Variants in EXD3 observed in about 807,000 individuals in gnomAD.
EXD3 encodes the protein exonuclease 3'-5' domain containing 3.
A neutral mutation model predicts 98.0 loss-of-function variants in EXD3; 92 were observed. The observed-to-expected ratio is 0.94, with a 90% CI of 0.79 to 1.12. EXD3 has a LOEUF of 1.12. Among genes scored for constraint, EXD3 ranks in the 50% most tolerant of loss-of-function variants. The pLI, the probability that EXD3 is intolerant of heterozygous loss-of-function variation, is 0.00. For missense variants in EXD3, 1,222 were observed against 1,191.6 expected (o/e 1.03, Z -0.38); for synonymous variants, 569 against 526.0 (o/e 1.08, Z -1.12).
intron 12 of EXD3, 39 bp from the exon 13 acceptor site, chr9:137,351,567 A>G: frequency 1.3e-6 from 2 of 1,546,268 alleles, no homozygotes; most frequent in Non-Finnish European, 1.8e-6. Flanking sequence ...ATCAGGGCCA[A>G]CTTGGCTCTG....
chr9:137,356,189 CCA>C, intron 8 of EXD3, 77 bp downstream of exon 8: 1 of 1,078,526 alleles, frequency 9.3e-7, no homozygotes, highest in Non-Finnish European at 1.4e-6. Context: ...ACGGGCAGCC[CCA>C]GTCACAGAGG....
chr9:137,405,157 A>T lies in EXD3; in HGVS notation c.-47-9753T>A, dbSNP rs1588431260. 6.6e-6 allele frequency among the ~76,000 whole-genome samples: 1 copy of T among 151,908 alleles called. No individual in the cohort carries two copies. Among genetic ancestry groups the T allele is most frequent in the South Asian group, 2.1e-4 (1 of 4,816 alleles). ...GGCCTCTGCCAGCGGGTGTCCAAAG[A>T]CCCTACTTGGGAGCCCCGCACATCC... On this transcript the variant is annotated intron_variant, in intron 1 of 21. Coordinates refer to ENST00000340951, the MANE Select transcript of EXD3 (RefSeq NM_017820.5). This position sits in a 1 kb window ranked among gnomAD's most constrained non-coding sequence, Gnocchi z 4.1.
In EXD3 at chr9:137,349,465, G is replaced by A. The variant is rs1834136880; in HGVS notation, c.1561C>T (p.Leu521=). Residue 521 remains leucine, a synonymous_variant, in exon 15 of 22, where the codon CTG becomes TTG. Transcript: ENST00000340951. This position sits in a 1 kb window ranked among gnomAD's most constrained non-coding sequence, Gnocchi z 7.4. ...GCTGTGCCCAGCACCTGCTGCACCAGGAGGCTCAGGCCCCTCAGCTCCCTG... is the reference window on the plus strand; with the variant it reads ...GCTGTGCCCAGCACCTGCTGCACCAAGAGGCTCAGGCCCCTCAGCTCCCTG... ...RARELRGLSL[L]VQQVLGTALD... 1 of 1,603,794 alleles carries A rather than the reference G, an allele frequency of 6.2e-7. No individual in the cohort carries two copies. Among genetic ancestry groups the A allele is most frequent in the Non-Finnish European group, 8.5e-7 (1 of 1,178,134 alleles).
At chr9:137,354,160 C>G (rs865792994) in intron 10 of EXD3, 179 bp downstream of exon 10, 3 of 1,427,500 alleles carry the variant, frequency 2.1e-6, no homozygotes, top group South Asian at 1.5e-5. Context: ...GCTCAGGCCT[C>G]CCGGGCCTGA....
chr9:137,320,690 G>C (rs1831984683), intron 19 of EXD3, among the ~76,000 whole-genome samples: 1 of 152,162 alleles, frequency 6.6e-6, no homozygotes, highest in Admixed American at 6.5e-5. Context: ...TCACACCCTG[G>C]ACACCCTTCT....
At chr9:137,356,923 T>C (rs1383613903) in intron 7 of EXD3, among the ~76,000 whole-genome samples, 1 of 152,186 alleles carries the variant, frequency 6.6e-6, no homozygotes, top group Non-Finnish European at 1.5e-5. Context: ...CTCCAGGTAG[T>C]GGTGAAGCAC....
intron 10 of EXD3, chr9:137,353,666 C>T (rs1461807997): frequency 3.0e-6 from 3 of 985,688 alleles, no homozygotes; most frequent in Non-Finnish European, 3.6e-6. Context: ...CCCTCAGCCC[C>T]CGCTGGGAAA....
chr9:137,323,646 T>G, intron 19 of EXD3, 79 bp downstream of exon 19: 2 of 1,555,690 alleles, frequency 1.3e-6, no homozygotes, highest in Non-Finnish European at 1.7e-6. Flanking sequence ...CTGTCTAGGG[T>G]GGGGCCCACC....
chr9:137,356,389 A>G, intron 7 of EXD3, 21 bp from the exon 8 acceptor site: 1 of 1,412,916 alleles, frequency 7.1e-7, no homozygotes, highest in East Asian at 2.4e-5. Context: ...AGAGAGGCAC[A>G]GCCTCTGTTG....
intron 7 of EXD3, among the ~76,000 whole-genome samples, chr9:137,358,361 C>T (rs918745546): frequency 3.5e-4 from 54 of 152,302 alleles, no homozygotes; most frequent in African/African-American, 1.3e-3. Context: ...GAGCCCCAGC[C>T]CTGTCCTCAG....
chr9:137,371,270 G>A lies in EXD3; in HGVS notation c.462+1635C>T, dbSNP rs1835583214. 6.6e-6 allele frequency among the ~76,000 whole-genome samples: 1 copy of A among 152,206 alleles called. No individual in the cohort carries two copies. The highest frequency in any genetic ancestry group is 2.4e-5 in the African/African-American group (1 of 41,456). On this transcript the variant is annotated intron_variant, in intron 5 of 21. Transcript: ENST00000340951. The surrounding 1 kb of genome is among the most constrained non-coding windows in gnomAD (Gnocchi z 8.0). The stretch of plus-strand genomic sequence containing the variant: ...CATTCAGCGTCGCGCCACATGAGGG[G>A]GACCCTCCATCCTGCATTGTCCTGT...
chr9:137,386,994 ACCCCCG>A (rs1836630288), intron 2 of EXD3, among the ~76,000 whole-genome samples: 1 of 71,516 alleles, frequency 1.4e-5, no homozygotes, highest in Non-Finnish European at 2.8e-5. Context: ...CTCCCTCAGC[ACCCCCG>A]CTCCCTGCCT....
In EXD3 at chr9:137,355,591, AG is replaced by A. The variant is rs1206688459; in HGVS notation, c.757+676del. On this transcript the variant is annotated intron_variant, in intron 8 of 21. Coordinates refer to ENST00000340951, the MANE Select transcript of EXD3 (RefSeq NM_017820.5). ...AGGATGGAGGAAGGAGGAAGGAGAA[AG>A]GGCGGAAGGAGAAAGGAGGAAGGAG... Among the ~76,000 whole-genome samples the A allele has an allele frequency of 9.4e-3, 46 of 4,910 alleles. 8 individuals carry two copies. The highest frequency in any genetic ancestry group is 0.029 in the South Asian group (4 of 136). 3.2% of individuals were successfully genotyped at this position (4,910 alleles called of 152,430 possible). A position where few individuals can be genotyped will look rare whatever the true frequency, so the allele number is the denominator to read the frequency against.
intron 5 of EXD3, among the ~76,000 whole-genome samples, chr9:137,369,185 G>C (rs559169379): frequency 8.0e-5 from 12 of 150,332 alleles, no homozygotes; most frequent in African/African-American, 2.9e-4. Flanking sequence ...CGCAGGGCCG[G>C]GGAGGGGCAC....
At chr9:137,328,634 A>ATG in intron 17 of EXD3, among the ~76,000 whole-genome samples, 1 of 84,332 alleles carries the variant, frequency 1.2e-5, no homozygotes, top group East Asian at 6.7e-4. Context: ...ACACGGGACT[A>ATG]CACGGGGCTA....
At chr9:137,401,867 T>C (rs1376639541) in intron 1 of EXD3, among the ~76,000 whole-genome samples, 1 of 152,208 alleles carries the variant, frequency 6.6e-6, no homozygotes, top group African/African-American at 2.4e-5. Flanking sequence ...TTCCCCATGG[T>C]CTTGGGGATG....
chr9:137,363,053 C>T (rs374596927), intron 7 of EXD3, among the ~76,000 whole-genome samples: 59 of 152,120 alleles, frequency 3.9e-4, no homozygotes, highest in Middle Eastern at 3.4e-3. Context: ...TCAGGTGATC[C>T]GCCTGCCTCA....
At chr9:137,406,745 G>T (rs772838416) in intron 1 of EXD3, among the ~76,000 whole-genome samples, 1 of 152,064 alleles carries the variant, frequency 6.6e-6, no homozygotes, top group African/African-American at 2.4e-5. Flanking sequence ...GTACTCCCCC[G>T]GCCACAGCCT....
chr9:137,357,185 G>C (rs1834835189), intron 7 of EXD3: 1 of 152,208 alleles, frequency 6.6e-6, no homozygotes, highest in Non-Finnish European at 1.5e-5. Flanking sequence ...ATTTTCACTA[G>C]TGTTGAGAAA....
Sources: gnomAD v4.1 joint callset for allele counts (sites outside exome capture counted in the v4.1 genomes callset) on GRCh38, gnomAD v4.1.1 for gene constraint, Gnocchi (gnomAD v3.1) non-coding constraint, MANE v1.5 for transcripts, NCBI Gene and HGNC (gene_info 2026-07-23, HGNC 2026-07-21) for gene names.